GPC5: variants seen among roughly 807,000 people sequenced by gnomAD.
The protein encoded by GPC5 is glypican 5, also known as glypican-5.
A neutral mutation model predicts 53.9 loss-of-function variants in GPC5; 47 were observed. That is an observed-to-expected ratio of 0.87 (90% CI 0.69 to 1.11). GPC5 has a LOEUF of 1.11. Among genes scored for constraint, GPC5 ranks in the 50% most tolerant of loss-of-function variants. The pLI, the probability that GPC5 is intolerant of heterozygous loss-of-function variation, is 0.00. For missense variants in GPC5, 748 were observed against 713.1 expected (o/e 1.05, Z -0.56); for synonymous variants, 286 against 263.3 (o/e 1.09, Z -0.84).
intron 6 of GPC5, among the ~76,000 whole-genome samples, chr13:92,119,223 C>T (rs948360756): frequency 3.3e-5 from 5 of 152,006 alleles, no homozygotes; most frequent in African/African-American, 7.2e-5. Context: ...GAGACTTATT[C>T]ACTGTCATGG....
At chr13:92,661,218 C>G (rs553057628) in intron 7 of GPC5, among the ~76,000 whole-genome samples, 34 of 151,998 alleles carry the variant, frequency 2.2e-4, no homozygotes, top group Middle Eastern at 3.4e-3. Context: ...TCACTTGAGT[C>G]CAAGAGGTAA....
intron 7 of GPC5, among the ~76,000 whole-genome samples, chr13:92,812,203 T>A (rs1877323154): frequency 6.6e-6 from 1 of 152,004 alleles, no homozygotes; most frequent in South Asian, 2.1e-4. Context: ...GTATTAAGTG[T>A]TCCTGTCAGG....
intron 2 of GPC5, among the ~76,000 whole-genome samples, chr13:91,458,520 T>A (rs997366973): frequency 6.6e-6 from 1 of 152,026 alleles, no homozygotes; most frequent in African/African-American, 2.4e-5. Context: ...CATCACGAAT[T>A]ATCGGGAAAT....
chr13:92,313,938 A>G (rs997012340), intron 7 of GPC5, among the ~76,000 whole-genome samples: 2 of 152,124 alleles, frequency 1.3e-5, no homozygotes, highest in Non-Finnish European at 2.9e-5. Flanking sequence ...ACCTAGATAA[A>G]TGTTCACTCA....
At chr13:91,724,390 G>A (rs537895153) in intron 3 of GPC5, among the ~76,000 whole-genome samples, 60 of 152,140 alleles carry the variant, frequency 3.9e-4, no homozygotes, top group African/African-American at 1.4e-3. Flanking sequence ...TGTGAAGTGA[G>A]CCTGTGCCTC....
In GPC5 at chr13:92,710,498, G is replaced by C. The variant is rs142721196; in HGVS notation, c.1562-155784G>C. On this transcript the variant is annotated intron_variant, in intron 7 of 7. Coordinates refer to ENST00000377067, the MANE Select transcript of GPC5 (RefSeq NM_004466.6). ...TAAATGTAAAACATAGTAGAGAATA[G>C]AACAAGTTACAGCAAAGAGAAAAGT... Among the ~76,000 whole-genome samples the C allele has an allele frequency of 4.6e-3, 694 of 152,296 alleles. 1 individual carries two copies. Among genetic ancestry groups the C allele is most frequent in the Admixed American group, 9.7e-3 (149 of 15,292 alleles).
chr13:92,569,854 C>A (rs1882969939), intron 7 of GPC5, among the ~76,000 whole-genome samples: 1 of 152,202 alleles, frequency 6.6e-6, no homozygotes, highest in African/African-American at 2.4e-5. Flanking sequence ...CAGCACGGAA[C>A]TATCAGGAGC....
chr13:92,845,416 C>G (rs528528886), intron 7 of GPC5, among the ~76,000 whole-genome samples: 1 of 151,940 alleles, frequency 6.6e-6, no homozygotes, highest in African/African-American at 2.4e-5. Context: ...AATATAGTTC[C>G]GATTCAAAGG....
chr13:91,644,783 CTTTAAATACCATTTATTT>C (rs2034518734), intron 2 of GPC5, among the ~76,000 whole-genome samples: 1 of 152,056 alleles, frequency 6.6e-6, no homozygotes, highest in African/African-American at 2.4e-5. Context: ...CCCAGTATAC[CTTTAAATACCATTTATTT>C]TGTGACTGTG....
chr13:92,455,628 T>C (rs1300605100), intron 7 of GPC5, among the ~76,000 whole-genome samples: 2 of 152,196 alleles, frequency 1.3e-5, no homozygotes, highest in Non-Finnish European at 2.9e-5. Context: ...ATTGGTTAAA[T>C]GCTATTATGA....
intron 2 of GPC5, among the ~76,000 whole-genome samples, chr13:91,612,346 C>A (rs1321968232): frequency 1.3e-5 from 2 of 152,154 alleles, no homozygotes; most frequent in Non-Finnish European, 2.9e-5. Flanking sequence ...GGCAATGTTG[C>A]ATTTGAAATG....
At chr13:92,061,521 C>T (rs796130307) in intron 6 of GPC5, among the ~76,000 whole-genome samples, 4 of 151,966 alleles carry the variant, frequency 2.6e-5, no homozygotes, top group African/African-American at 9.7e-5. Flanking sequence ...AAAGTAATGC[C>T]GTTTCTATTT....
At chr13:91,467,884 T>C (rs950526683) in intron 2 of GPC5, among the ~76,000 whole-genome samples, 1 of 152,194 alleles carries the variant, frequency 6.6e-6, no homozygotes, top group Non-Finnish European at 1.5e-5. Flanking sequence ...TTTGCAATTT[T>C]ACTTTGCTTT....
intron 1 of GPC5, among the ~76,000 whole-genome samples, chr13:91,435,257 C>T (rs1879838506): frequency 6.6e-6 from 1 of 152,146 alleles, no homozygotes; most frequent in Non-Finnish European, 1.5e-5. Flanking sequence ...GCATCCCTGT[C>T]TTGTGCCAGT....
At chr13:92,109,858 T>C (rs980377203) in intron 6 of GPC5, among the ~76,000 whole-genome samples, 1 of 152,222 alleles carries the variant, frequency 6.6e-6, no homozygotes, top group African/African-American at 2.4e-5. Flanking sequence ...CACTATAAGA[T>C]AGTGTATGTG....
At chr13:91,600,047 A>G (rs866371228) in intron 2 of GPC5, among the ~76,000 whole-genome samples, 5 of 152,132 alleles carry the variant, frequency 3.3e-5, no homozygotes, top group African/African-American at 1.2e-4. Context: ...CAGCCTCCCA[A>G]GTAGCTGGGA....
intron 6 of GPC5, among the ~76,000 whole-genome samples, chr13:92,098,211 C>A (rs1166436569): frequency 6.6e-6 from 1 of 152,116 alleles, no homozygotes; most frequent in Non-Finnish European, 1.5e-5. Context: ...CTCTATGCGT[C>A]CATGTGTTCT....
intron 6 of GPC5, chr13:91,996,014 G>C (rs1425053153): frequency 6.6e-6 from 1 of 152,132 alleles, no homozygotes; most frequent in Non-Finnish European, 1.5e-5. Context: ...TCCCTCTTTG[G>C]GTTGTGGCAC....
chr13:92,649,066 A>G (rs1885864191), intron 7 of GPC5, among the ~76,000 whole-genome samples: 1 of 152,134 alleles, frequency 6.6e-6, no homozygotes, highest in Non-Finnish European at 1.5e-5. Context: ...TTGATATATT[A>G]TAACAATATC....
Sources: gnomAD v4.1 joint callset for allele counts (sites outside exome capture counted in the v4.1 genomes callset) on GRCh38, gnomAD v4.1.1 for gene constraint, MANE v1.5 for transcripts, NCBI Gene and HGNC (gene_info 2026-07-23, HGNC 2026-07-21) for gene names.